The following ABCA6 variants were observed in gnomAD, a reference collection of about 807,000 sequenced individuals.
ABCA6 encodes ATP-binding cassette sub-family A member 6.
Under a neutral mutation model 191.2 loss-of-function variants are expected in ABCA6, and 164 were observed. The ratio of observed to expected loss-of-function variants is 0.86; its 90% CI spans 0.76 to 0.98. The LOEUF is 0.98. Among genes scored for constraint, ABCA6 ranks in the 50% least tolerant of loss-of-function variants. The probability of loss-of-function intolerance (pLI) is 0.00; values close to 1 mark genes in which losing one functional copy is unlikely to be tolerated. For synonymous variants in ABCA6, 636 were observed against 647.7 expected (o/e 0.98, Z 0.27); for missense variants, 1,958 against 1,894.1 (o/e 1.03, Z -0.63).
chr17:69,105,343 T>C, intron 20 of ABCA6, 119 bp downstream of exon 20: 1 of 970,404 alleles, frequency 1.0e-6, no homozygotes. Flanking sequence ...GTGTTTTCTA[T>C]AAATGAAGTT....
intron 6 of ABCA6, 74 bp from the exon 7 acceptor site, chr17:69,129,825 A>G (rs909942437): frequency 4.4e-5 from 51 of 1,172,012 alleles, no homozygotes; most frequent in Non-Finnish European, 5.7e-5. Flanking sequence ...AAAAGCATCT[A>G]AAGAACAATG....
Position 69,140,609 on chromosome 17 carries a change from A to G in ABCA6, c.95T>C (p.Leu32Ser). 6.3e-7 allele frequency: 1 copy of G among 1,594,714 alleles called. No homozygotes were observed. Among genetic ancestry groups the G allele is most frequent in the Non-Finnish European group, 8.5e-7 (1 of 1,171,404 alleles). The change falls in exon 2 of 39, where the codon TTG becomes TCG. Residue 32 changes from leucine (L) to serine (S), a missense_variant and splice_region_variant. Transcript: ENST00000284425. Reference protein sequence around the residue: ...KKWRMKRESLLEWGLSILLGL... With the variant: ...KKWRMKRESLSEWGLSILLGL... The stretch of plus-strand genomic sequence containing the variant: ...AAAGAGACAAATTTTTAAACATACC[A>G]ATAAGCTCTCTCTTTTCATCCTCCA...
At chr17:69,083,425 A>C in intron 34 of ABCA6, 94 bp from the exon 35 acceptor site, 3 of 1,281,332 alleles carry the variant, frequency 2.3e-6, no homozygotes, top group Non-Finnish European at 3.1e-6. Context: ...TTCAGATCCT[A>C]ATGCAAAAAA....
Position 69,096,638 on chromosome 17 carries a change from A to G in ABCA6, c.3284T>C (p.Val1095Ala), listed in dbSNP as rs1032677527. 3.3e-6 allele frequency: 5 copies of G among 1,529,568 alleles called. No homozygotes were observed. Among genetic ancestry groups the G allele is most frequent in the Non-Finnish European group, 4.4e-6 (5 of 1,145,922 alleles). The allele number at this position is 1,529,568 out of a possible 1,614,324, so 94.7% of individuals were successfully genotyped here. The change falls in exon 24 of 39, where the codon GTG (valine) becomes GCG (alanine). Residue 1095 changes from valine (V) to alanine (A), a missense_variant. Transcript: ENST00000284425. The part of the protein sequence containing the change: ...MQYLLITSQI[V>A]FALVIVTPGY... ...TACTGTGTTACTTACCAAAGCAAACACAATTTGGCTTGTAATAAGAAGGTA... is the reference window on the plus strand; with the variant it reads ...TACTGTGTTACTTACCAAAGCAAACGCAATTTGGCTTGTAATAAGAAGGTA...
rs1204785118 is a variant in ABCA6 at position 69,100,928 on chromosome 17, T to C, written c.2881A>G (p.Arg961Gly). 1.3e-6 allele frequency: 2 copies of C among 1,587,368 alleles called. No homozygotes were observed. Among genetic ancestry groups the C allele is most frequent in the Non-Finnish European group, 1.7e-6 (2 of 1,164,928 alleles). ...TTGGTATTACACACAACTGAAAATC[T>C]ATAATCCTTAAAACAGAAACAAATA... is the stretch of plus-strand genomic sequence containing the variant. ...IIVSGKQKDY[R>G]FSVVCNTKRL... is the part of the protein sequence containing the mutation. The change falls in exon 22 of 39, where the codon AGA (arginine) becomes GGA (glycine). Residue 961 changes from arginine (R) to glycine (G), a missense_variant. Physicochemically the swap from Arg to Gly is moderately radical, Grantham distance 125 (BLOSUM62 -2). Coordinates refer to ENST00000284425, the MANE Select transcript of ABCA6 (RefSeq NM_080284.3).
intron 27 of ABCA6, among the ~76,000 whole-genome samples, chr17:69,089,199 T>C (rs1268396733): frequency 6.6e-6 from 1 of 152,182 alleles, no homozygotes; most frequent in African/African-American, 2.4e-5. Context: ...TCTCTATTTT[T>C]TACAAGCTCT....
At chr17:69,133,191 T>C (rs1319603477) in intron 6 of ABCA6, among the ~76,000 whole-genome samples, 1 of 152,190 alleles carries the variant, frequency 6.6e-6, no homozygotes, top group Non-Finnish European at 1.5e-5. Context: ...GCCAAACCCC[T>C]GAACACAAGT....
intron 23 of ABCA6, among the ~76,000 whole-genome samples, chr17:69,097,350 C>A (rs1181270390): frequency 2.0e-5 from 3 of 149,222 alleles, no homozygotes; most frequent in Non-Finnish European, 3.0e-5. Flanking sequence ...GATTTTGCAC[C>A]ATTGCACTCC....
chr17:69,118,909 T>C (rs1662775846), intron 10 of ABCA6, among the ~76,000 whole-genome samples: 1 of 152,070 alleles, frequency 6.6e-6, no homozygotes, highest in Middle Eastern at 3.4e-3. Flanking sequence ...GTTTGCTGCA[T>C]AGATAGTCTC....
At chr17:69,122,577 AG>A (rs2073669423) in intron 10 of ABCA6, among the ~76,000 whole-genome samples, 2 of 152,138 alleles carry the variant, frequency 1.3e-5, no homozygotes, top group African/African-American at 4.8e-5. Flanking sequence ...ATCAAATGAG[AG>A]AGGAGAGTAT....
In ABCA6 at chr17:69,082,862, G is replaced by C; in HGVS notation, c.4616+11C>G. The C allele has an allele frequency of 1.9e-6, 3 of 1,613,904 alleles. No homozygotes were observed. The highest frequency in any genetic ancestry group is 2.5e-6 in the Non-Finnish European group (3 of 1,179,926). ...CCTCCATATTTCTCCATAATCAAAA[G>C]CCCGTCTCACCTTTCCTGCCCTGCA... is the stretch of plus-strand genomic sequence containing the variant. On this transcript the variant is annotated intron_variant, in intron 36 of 38. Coordinates refer to ENST00000284425, the MANE Select transcript of ABCA6 (RefSeq NM_080284.3).
rs969294136 is a variant in ABCA6, at chr17:69,093,983, T to C, written c.3408+2257A>G. Among the ~76,000 whole-genome samples the C allele has an allele frequency of 5.9e-5, 9 of 152,334 alleles. No individual in the cohort carries two copies. In the East Asian group the frequency reaches 1.7e-3, roughly 29 times the overall value. On this transcript the variant is annotated intron_variant, in intron 25 of 38. Coordinates refer to ENST00000284425, the MANE Select transcript of ABCA6 (RefSeq NM_080284.3). ...CAAAACGTACCTTGCCTCTGGAATATTGTCTTGCCTTATTTGAATCCATAA... is the reference window on the plus strand; with the variant it reads ...CAAAACGTACCTTGCCTCTGGAATACTGTCTTGCCTTATTTGAATCCATAA...
intron 17 of ABCA6, chr17:69,108,502 AG>A: frequency 6.6e-6 from 1 of 152,320 alleles, no homozygotes; most frequent in Non-Finnish European, 1.5e-5. Context: ...TTCCCTATCT[AG>A]TTAGATGTAG....
chr17:69,117,647 T>C (rs2073561214), intron 11 of ABCA6, among the ~76,000 whole-genome samples: 1 of 152,050 alleles, frequency 6.6e-6, no homozygotes, highest in Non-Finnish European at 1.5e-5. Context: ...AGCAGATTAA[T>C]CTTTAAAAAC....
At chr17:69,117,269 T>G (rs768553420) in intron 11 of ABCA6, among the ~76,000 whole-genome samples, 1 of 152,068 alleles carries the variant, frequency 6.6e-6, no homozygotes, top group Non-Finnish European at 1.5e-5. Flanking sequence ...TTTTCAGCTT[T>G]TAAGGCTTCT....
chr17:69,078,866 A>G lies in ABCA6; in HGVS notation c.*107T>C. The G allele has an allele frequency of 1.5e-6, 1 of 648,796 alleles. No homozygotes were observed. The highest frequency in any genetic ancestry group is 3.1e-5 in the South Asian group (1 of 32,130). The allele number at this position is 648,796 out of a possible 1,614,324, so 40.2% of individuals were successfully genotyped here. ...TATTTGTTAACTAAATTTACAAAATATACCTGATGTTAATTTTAAATGATC... is the reference window on the plus strand; with the variant it reads ...TATTTGTTAACTAAATTTACAAAATGTACCTGATGTTAATTTTAAATGATC... On this transcript the variant is annotated 3_prime_UTR_variant, in exon 39 of 39. Coordinates refer to ENST00000284425, the MANE Select transcript of ABCA6 (RefSeq NM_080284.3).
In ABCA6 at chr17:69,128,649, G is replaced by A; in HGVS notation, c.1089C>T (p.Ser363=). The A allele has an allele frequency of 6.2e-7, 1 of 1,612,932 alleles. No homozygotes were observed. The highest frequency in any genetic ancestry group is 8.5e-7 in the Non-Finnish European group (1 of 1,179,372). The stretch of plus-strand genomic sequence containing the variant: ...TCATTCCAGTAGTAAAGGCAAAAGG[G>A]CTACAAATATTCAAAATCCACTCCA... The part of the protein sequence containing the change: ...SSLEWILNIC[S]PFAFTTGMIQ... Residue 363 remains serine, a synonymous_variant, in exon 8 of 39, where the codon AGC becomes AGT. Coordinates refer to ENST00000284425, the MANE Select transcript of ABCA6 (RefSeq NM_080284.3).
intron 17 of ABCA6, chr17:69,110,390 G>GT: frequency 5.7e-6 from 1 of 175,192 alleles, no homozygotes; most frequent in Non-Finnish European, 1.2e-5. Flanking sequence ...CCAGAAGGAT[G>GT]AGAAAGTTAA....
rs1423868197 is a variant in ABCA6 at position 69,079,205 on chromosome 17, C to G, written c.4752+5G>C. Reference sequence around the variant, plus strand: ...GATGATACAAAGTCAAACCACTTGACTTACCTTCTCCAGTGTGCACTGAGA... The same window carrying G: ...GATGATACAAAGTCAAACCACTTGAGTTACCTTCTCCAGTGTGCACTGAGA... On this transcript the variant is annotated splice_donor_5th_base_variant and intron_variant, in intron 38 of 38. Coordinates refer to ENST00000284425, the MANE Select transcript of ABCA6 (RefSeq NM_080284.3). 9 of 1,608,362 alleles carry G rather than the reference C, an allele frequency of 5.6e-6. No homozygotes were observed. The highest frequency in any genetic ancestry group is 7.6e-6 in the Non-Finnish European group (9 of 1,177,184).
Sources: gnomAD v4.1 joint callset for allele counts (sites outside exome capture counted in the v4.1 genomes callset) on GRCh38, gnomAD v4.1.1 for gene constraint, MANE v1.5 for transcripts, NCBI Gene and HGNC (gene_info 2026-07-23, HGNC 2026-07-21) for gene names.